The following MYH10 variants were observed in gnomAD, a reference collection of about 807,000 sequenced individuals.
The protein encoded by MYH10 is myosin-10.
In MYH10, 55 loss-of-function variants were observed where a neutral mutation model predicts 257.8. That is an observed-to-expected ratio of 0.21 (90% CI 0.17 to 0.27). The LOEUF is 0.27. Among genes scored for constraint, MYH10 ranks in the 10% least tolerant of loss-of-function variants. The pLI, the probability that MYH10 is intolerant of heterozygous loss-of-function variation, is 1.00. For synonymous variants in MYH10, 854 were observed against 921.7 expected (o/e 0.93, Z 1.33); for missense variants, 1,631 against 2,500.6 (o/e 0.65, Z 7.42).
In MYH10 at chr17:8,520,883, T is replaced by C; in HGVS notation, c.2268A>G (p.Arg756=). The C allele has an allele frequency of 1.9e-6, 3 of 1,609,638 alleles. No homozygotes were observed. Among genetic ancestry groups the C allele is most frequent in the Non-Finnish European group, 2.5e-6 (3 of 1,178,226 alleles). ...AAAGTAAAAGTTAGCAATACCTCTG[T>C]CTGAATTCCTGGAAAACTATTCGGT... The part of the protein sequence containing the change: ...FPNRIVFQEF[R]QRYEILTPNA... Residue 756 remains arginine (R), a synonymous_variant, in exon 19 of 43, where the codon AGA becomes AGG. Coordinates refer to ENST00000360416, the MANE Select transcript of MYH10 (RefSeq NM_001256012.3).
At chr17:8,492,218 G>T in intron 34 of MYH10, 79 bp downstream of exon 34, 2 of 1,403,210 alleles carry the variant, frequency 1.4e-6, no homozygotes, top group Non-Finnish European at 2.0e-6. Context: ...CCCCTGAGGA[G>T]TCGCCCGCTC....
chr17:8,478,321 G>C lies in MYH10; in HGVS notation c.5706+17C>G. On this transcript the variant is annotated intron_variant, in intron 41 of 42. Transcript: ENST00000360416. The stretch of plus-strand genomic sequence containing the variant: ...CCTTTGCTCACGCGCTTCCCAGGGA[G>C]GCACTTCCTCGCGTACCTGCTCTTT... 1.2e-6 allele frequency: 2 copies of C among 1,606,194 alleles called. No individual in the cohort carries two copies. Among genetic ancestry groups the C allele is most frequent in the Non-Finnish European group, 1.7e-6 (2 of 1,172,842 alleles).
chr17:8,476,972 T>G lies in MYH10; in HGVS notation c.5783A>C (p.Asn1928Thr). ...EEAEEEATRA[N>T]ASRRKLQREL... is the part of the protein sequence containing the mutation. ...CCGCTGGAGTTTACGCCGAGATGCG[T>G]TGGCACGCGTCGCTTCTTCTTCTGC... Residue 1928 changes from asparagine to threonine, a missense_variant, in exon 42 of 43, where the codon AAC (asparagine) becomes ACC (threonine). Asn to Thr is a moderately conservative substitution (Grantham distance 65). Transcript: ENST00000360416. 1 of 1,614,158 alleles carries G rather than the reference T, an allele frequency of 6.2e-7. No homozygotes were observed. Among genetic ancestry groups the G allele is most frequent in the East Asian group, 2.2e-5 (1 of 44,882 alleles).
At chr17:8,510,776 C>A (rs556518174) in intron 24 of MYH10, among the ~76,000 whole-genome samples, 4 of 152,104 alleles carry the variant, frequency 2.6e-5, no homozygotes, top group African/African-American at 9.6e-5. Context: ...TTAAATAGTA[C>A]AGGTCGTGAG....
chr17:8,552,121 C>T lies in MYH10; in HGVS notation c.844G>A (p.Val282Ile). 2 of 1,558,184 alleles carry T rather than the reference C, an allele frequency of 1.3e-6. No individual in the cohort carries two copies. Among genetic ancestry groups the T allele is most frequent in the South Asian group, 1.3e-5 (1 of 79,024 alleles). Residue 282 changes from valine (V) to isoleucine (I), a missense_variant, in exon 9 of 43, where the codon GTT becomes ATT. Val to Ile is a conservative substitution (Grantham distance 29). Transcript: ENST00000360416. This position sits in a 1 kb window ranked among gnomAD's most constrained non-coding sequence, Gnocchi z 4.8. ...ETYLLEKSRA[V>I]RQAKDERTFH... The stretch of plus-strand genomic sequence containing the variant: ...GTACGTTCATCTTTTGCTTGACGAA[C>T]AGCACGAGACTTTTCCAGAAGGTCT...
intron 24 of MYH10, among the ~76,000 whole-genome samples, chr17:8,512,195 G>C (rs1245847888): frequency 3.3e-5 from 5 of 152,190 alleles, no homozygotes; most frequent in African/African-American, 4.8e-5. Context: ...TTGCGACTGT[G>C]AATCTCTTTG....
intron 16 of MYH10, among the ~76,000 whole-genome samples, chr17:8,531,236 T>C (rs890901494): frequency 3.9e-5 from 6 of 152,198 alleles, no homozygotes; most frequent in African/African-American, 1.2e-4. Context: ...CAAGTTCTGT[T>C]GTAGCAAAAT....
chr17:8,629,726 C>G (rs942843912), intron 1 of MYH10, among the ~76,000 whole-genome samples: 1 of 152,162 alleles, frequency 6.6e-6, no homozygotes, highest in Non-Finnish European at 1.5e-5. Flanking sequence ...ATAAAGGGAT[C>G]CCGAGGCGAG....
chr17:8,536,810 A>C (rs1386406153), intron 14 of MYH10, among the ~76,000 whole-genome samples: 1 of 151,802 alleles, frequency 6.6e-6, no homozygotes, highest in East Asian at 1.9e-4. Flanking sequence ...AAAAAAAAAA[A>C]AAAGCGCTAG....
At chr17:8,493,997 C>A (rs2277670) in intron 31 of MYH10, 112 bp from the exon 32 acceptor site, 105 of 1,189,726 alleles carry the variant, frequency 8.8e-5, no homozygotes, top group Non-Finnish European at 1.2e-4. Flanking sequence ...TGCATGAGAA[C>A]GCCCAGTGAC....
chr17:8,548,235 A>T, intron 11 of MYH10, 78 bp downstream of exon 11: 1 of 1,079,782 alleles, frequency 9.3e-7, no homozygotes, highest in South Asian at 1.4e-5. Flanking sequence ...AGGTGCTTTT[A>T]CGCTTGCACT....
chr17:8,600,288 G>A (rs1467759427), intron 3 of MYH10, among the ~76,000 whole-genome samples: 1 of 152,156 alleles, frequency 6.6e-6, no homozygotes, highest in Non-Finnish European at 1.5e-5. Context: ...ATTATACAAG[G>A]CAGAAAGTGA....
chr17:8,493,699 G>C (rs763434439), intron 32 of MYH10, 34 bp downstream of exon 32: 1 of 1,586,686 alleles, frequency 6.3e-7, no homozygotes, highest in South Asian at 1.1e-5. Context: ...GGCACACATC[G>C]AGGCCACCGC....
intron 35 of MYH10, among the ~76,000 whole-genome samples, chr17:8,488,568 C>T (rs750624714): frequency 1.6e-4 from 24 of 152,180 alleles, no homozygotes; most frequent in Admixed American, 1.2e-3. Context: ...GGAGGCTCAG[C>T]GAGCAAAGAA....
chr17:8,591,670 G>A (rs2084145665), intron 3 of MYH10, among the ~76,000 whole-genome samples: 4 of 152,088 alleles, frequency 2.6e-5, no homozygotes, highest in African/African-American at 9.7e-5. Context: ...CATTCAAAAT[G>A]GCGTTCTTCC....
chr17:8,480,625 G>C, intron 38 of MYH10, 100 bp from the exon 39 acceptor site: 1 of 1,498,708 alleles, frequency 6.7e-7, no homozygotes, highest in Non-Finnish European at 9.0e-7. Context: ...GGAAACCTGA[G>C]CAGCCATCCT....
At chr17:8,582,953 C>G (rs1228322957) in intron 4 of MYH10, among the ~76,000 whole-genome samples, 1 of 152,194 alleles carries the variant, frequency 6.6e-6, no homozygotes, top group African/African-American at 2.4e-5. Context: ...TTGAAAAACA[C>G]CAGATACATA....
chr17:8,597,620 ATT>A (rs5819201), intron 3 of MYH10, among the ~76,000 whole-genome samples: 1 of 145,794 alleles, frequency 6.9e-6, no homozygotes, highest in African/African-American at 2.5e-5. Flanking sequence ...TAGTTTACTC[ATT>A]TTTTTTTTTT....
At chr17:8,523,230 C>T (rs1238496002) in intron 17 of MYH10, among the ~76,000 whole-genome samples, 1 of 152,234 alleles carries the variant, frequency 6.6e-6, no homozygotes, top group African/African-American at 2.4e-5. Flanking sequence ...AAAGGTGCCT[C>T]TGCCTTCTAC....
Sources: gnomAD v4.1 joint callset for allele counts (sites outside exome capture counted in the v4.1 genomes callset) on GRCh38, gnomAD v4.1.1 for gene constraint, Gnocchi (gnomAD v3.1) non-coding constraint, MANE v1.5 for transcripts, NCBI Gene and HGNC (gene_info 2026-07-23, HGNC 2026-07-21) for gene names.